Variants in RINT1 observed in about 807,000 individuals in gnomAD.
RINT1 encodes RAD50 interactor 1, also known as RAD50-interacting protein 1.
RINT1 carries 75 observed loss-of-function variants against 97.7 expected under a neutral mutation model. That is an observed-to-expected ratio of 0.77 (90% CI 0.64 to 0.93). The LOEUF (loss-of-function observed/expected upper bound fraction) is 0.93, where lower values mean the gene tolerates loss of function less well. RINT1 is among the 40% of genes least tolerant of loss of function. The pLI is 0.00. For missense variants in RINT1, 892 were observed against 925.2 expected, an observed-to-expected ratio of 0.96 and a Z score of 0.47; for synonymous variants, 303 against 326.3, an observed-to-expected ratio of 0.93 and a Z score of 0.77.
chr7:105,550,486 T>G lies in RINT1; in HGVS notation c.1333T>G (p.Phe445Val). 6.2e-7 allele frequency: 1 copy of G among 1,606,712 alleles called. No homozygotes were observed. The highest frequency in any genetic ancestry group is 1.1e-5 in the South Asian group (1 of 90,944). ...GAGATGGTTGACGGTGGAGAGAAAA[T>G]GTAAGTGCTGATGTGGCCAGATGGT... ...FQRWLTVERKFALQKMDSMLS... is the reference protein window; with the variant it reads ...FQRWLTVERKVALQKMDSMLS... Residue 445 changes from phenylalanine to valine, a missense_variant and splice_region_variant, in exon 9 of 15, where the codon TTT becomes GTT. By Grantham distance (50) the Phe-to-Val change is conservative. Transcript: ENST00000257700.
At position 105,565,363 on chromosome 7, in the gene RINT1, A is replaced by T. The variant is rs200970042; in HGVS notation, c.1973A>T (p.His658Leu). Residue 658 changes from histidine to leucine, a missense_variant, in exon 13 of 15, where the codon CAT becomes CTT. Coordinates refer to ENST00000257700, the MANE Select transcript of RINT1 (RefSeq NM_021930.6). ...ACPLLLTLRD[H>L]LLQLEQQLCF... is the part of the protein sequence containing the mutation. ...CCGTTGCTGCTGACGTTACGAGACC[A>T]TTTACTTCAGTTGGAGCAGCAGCTT... 1 of 1,614,220 alleles carries T rather than the reference A, an allele frequency of 6.2e-7. No homozygotes were observed. Among genetic ancestry groups the T allele is most frequent in the East Asian group, 2.2e-5 (1 of 44,886 alleles).
chr7:105,542,042 C>G (rs1790478005), intron 3 of RINT1, among the ~76,000 whole-genome samples: 1 of 151,628 alleles, frequency 6.6e-6, no homozygotes, highest in Admixed American at 6.6e-5. Flanking sequence ...GAAATCAAAC[C>G]TTTTTTTGAA....
intron 6 of RINT1, 87 bp from the exon 7 acceptor site, chr7:105,548,467 G>T: frequency 7.7e-7 from 1 of 1,306,260 alleles, no homozygotes. Flanking sequence ...ACATTTGTTG[G>T]AAAAATTTAT....
At chr7:105,550,705 C>G (rs147453380) in intron 9 of RINT1, among the ~76,000 whole-genome samples, 1 of 152,052 alleles carries the variant, frequency 6.6e-6, no homozygotes, top group Non-Finnish European at 1.5e-5. Flanking sequence ...GTGGAATAGT[C>G]AAGCCAGTGG....
chr7:105,565,448 C>T lies in RINT1; in HGVS notation c.2058C>T (p.Ile686=), dbSNP rs747965842. The change falls in exon 13 of 15, where the codon ATC becomes ATT. Residue 686 remains isoleucine (I), a synonymous_variant. Coordinates refer to ENST00000257700, the MANE Select transcript of RINT1 (RefSeq NM_021930.6). Reference sequence around the variant, plus strand: ...TTGTAGAGAAGCTGGATGTATACATCTACCAAGAAGTAAGTAAGAATAGAC... The same window carrying T: ...TTGTAGAGAAGCTGGATGTATACATTTACCAAGAAGTAAGTAAGAATAGAC... ...QMLVEKLDVY[I]YQEIILANHF... is the part of the protein sequence containing the mutation. The T allele has an allele frequency of 5.6e-6, 9 of 1,613,816 alleles. No individual in the cohort carries two copies. Among genetic ancestry groups the T allele is most frequent in the South Asian group, 1.1e-5 (1 of 91,082 alleles).
Position 105,565,463 on chromosome 7 carries a change from T to A in RINT1, c.2067+6T>A, listed in dbSNP as rs112914598. The A allele has an allele frequency of 0.01, 16,555 of 1,613,114 alleles. 122 individuals carry two copies. Among genetic ancestry groups the A allele is most frequent in the Non-Finnish European group, 0.013 (15,104 of 1,179,142 alleles). ...ATGTATACATCTACCAAGAAGTAAG[T>A]AAGAATAGACTGTTTTTGGGCTGTG... On this transcript the variant is annotated splice_donor_region_variant and intron_variant, in intron 13 of 14. Coordinates refer to ENST00000257700, the MANE Select transcript of RINT1 (RefSeq NM_021930.6).
chr7:105,555,453 G>A (rs1791140581), intron 11 of RINT1: 1 of 353,402 alleles, frequency 2.8e-6, no homozygotes, highest in Non-Finnish European at 5.2e-6. Context: ...AGGCAAGCAA[G>A]CCTTTCATGA....
In RINT1 at chr7:105,535,229, C is replaced by CTT. The variant is rs57647904; in HGVS notation, c.89-1319_89-1318dup. On this transcript the variant is annotated intron_variant, in intron 2 of 14. Transcript: ENST00000257700. ...TCGATGACATTTGAAGCTTAAAAACCTTTTTTTTTTTTTTTTTTGAGGCAG... is the reference window on the plus strand; with the variant it reads ...TCGATGACATTTGAAGCTTAAAAACCTTTTTTTTTTTTTTTTTTTTGAGGCAG... Among the ~76,000 whole-genome samples, 226 of 129,388 alleles carry CTT rather than the reference C, an allele frequency of 1.7e-3. 4 individuals carry two copies. The highest frequency in any genetic ancestry group is 5.4e-3 in the African/African-American group (185 of 34,282). The allele number at this position is 129,388 out of a possible 152,430, so 84.9% of individuals were successfully genotyped here.
intron 4 of RINT1, 86 bp downstream of exon 4, chr7:105,542,735 G>T: frequency 7.7e-7 from 1 of 1,304,512 alleles, no homozygotes; most frequent in Non-Finnish European, 1.0e-6. Flanking sequence ...TTAAATAATT[G>T]AGTTAATTAA....
intron 9 of RINT1, among the ~76,000 whole-genome samples, 189 bp downstream of exon 9, chr7:105,550,675 A>G (rs140998288): frequency 3.6e-3 from 552 of 152,176 alleles, no homozygotes; most frequent in Middle Eastern, 0.01. Flanking sequence ...TCCTGAAATT[A>G]CACTCTACAT....
intron 4 of RINT1, among the ~76,000 whole-genome samples, chr7:105,544,048 T>C (rs1373193443): frequency 6.6e-6 from 1 of 151,622 alleles, no homozygotes; most frequent in Admixed American, 6.6e-5. Flanking sequence ...TGCAGTGAGC[T>C]GAGGTTGTGC....
chr7:105,538,537 GC>G (rs1790333700), intron 3 of RINT1, among the ~76,000 whole-genome samples: 1 of 152,152 alleles, frequency 6.6e-6, no homozygotes, highest in Non-Finnish European at 1.5e-5. Flanking sequence ...GTAGATTGAT[GC>G]CAATCTATGT....
chr7:105,566,005 C>T (rs529360622), intron 14 of RINT1, among the ~76,000 whole-genome samples: 5 of 152,184 alleles, frequency 3.3e-5, no homozygotes, highest in Non-Finnish European at 4.4e-5. Context: ...CGTGGTGGCT[C>T]ACGCCTGTAA....
chr7:105,555,344 G>A, intron 11 of RINT1, 117 bp downstream of exon 11: 1 of 750,782 alleles, frequency 1.3e-6, no homozygotes, highest in Non-Finnish European at 2.1e-6. Flanking sequence ...CAGAACCATA[G>A]TGCCATAATT....
intron 3 of RINT1, among the ~76,000 whole-genome samples, chr7:105,538,886 T>C (rs376055207): frequency 9.2e-5 from 14 of 152,196 alleles, no homozygotes; most frequent in African/African-American, 3.1e-4. Context: ...GTCACTCTTA[T>C]AATTTTACCC....
In RINT1 at chr7:105,565,327, G is replaced by T. The variant is rs1396876913; in HGVS notation, c.1937G>T (p.Ser646Ile). ...GAGCAGGCAGTGATGTCCCTGTCCA[G>T]TTCGGCTTGCCCGTTGCTGCTGACG... ...QSEQAVMSLS[S>I]SACPLLLTLR... is the part of the protein sequence containing the mutation. Residue 646 changes from serine (S) to isoleucine (I), a missense_variant, in exon 13 of 15, where the codon AGT becomes ATT. Coordinates refer to ENST00000257700, the MANE Select transcript of RINT1 (RefSeq NM_021930.6). 2 of 1,614,204 alleles carry T rather than the reference G, an allele frequency of 1.2e-6. No individual in the cohort carries two copies. Among genetic ancestry groups the T allele is most frequent in the Non-Finnish European group, 1.7e-6 (2 of 1,180,026 alleles).
rs1790868458 is a variant in RINT1 at position 105,550,267 on chromosome 7, T to C, written c.1114T>C (p.Phe372Leu). ...VGSLVNARLE[F>L]SRGLMMLVLE... ...TGTTTGTGTATTTTTTTAGCTTGAA[T>C]TTTCTCGGGGCCTTATGATGCTGGT... is the stretch of plus-strand genomic sequence containing the variant. Residue 372 changes from phenylalanine to leucine, a missense_variant, in exon 9 of 15, where the codon TTT becomes CTT. Coordinates refer to ENST00000257700, the MANE Select transcript of RINT1 (RefSeq NM_021930.6). 6.2e-7 allele frequency: 1 copy of C among 1,613,798 alleles called. No individual in the cohort carries two copies. The highest frequency in any genetic ancestry group is 1.3e-5 in the African/African-American group (1 of 74,912).
At chr7:105,549,346 A>T (rs1586239363) in intron 7 of RINT1, among the ~76,000 whole-genome samples, 1 of 151,168 alleles carries the variant, frequency 6.6e-6, no homozygotes, top group East Asian at 2.0e-4. Context: ...TGTAATGCAG[A>T]CTAGCAATTT....
intron 2 of RINT1, among the ~76,000 whole-genome samples, chr7:105,534,237 TTTTGTA>T (rs1377813719): frequency 6.6e-6 from 1 of 152,104 alleles, no homozygotes; most frequent in Non-Finnish European, 1.5e-5. Context: ...CCCGGCTAAT[TTTTGTA>T]TTTTTAGTAG....
Sources: gnomAD v4.1 joint callset for allele counts (sites outside exome capture counted in the v4.1 genomes callset) on GRCh38, gnomAD v4.1.1 for gene constraint, MANE v1.5 for transcripts, NCBI Gene and HGNC (gene_info 2026-07-23, HGNC 2026-07-21) for gene names.